The following SHANK2 variants were observed in gnomAD, a reference collection of about 807,000 sequenced individuals.
SHANK2 encodes the protein SH3 and multiple ankyrin repeat domains protein 2.
Under a neutral mutation model 133.7 loss-of-function variants are expected in SHANK2, and 43 were observed. The ratio of observed to expected loss-of-function variants is 0.32; its 90% confidence interval spans 0.25 to 0.41. The LOEUF (loss-of-function observed/expected upper bound fraction) is 0.41. Ranked by LOEUF, SHANK2 falls within the 10% of genes least tolerant of loss-of-function variation. The probability of loss-of-function intolerance (pLI) is 1.00; values close to 1 mark genes in which losing one functional copy is unlikely to be tolerated. For missense variants in SHANK2, 1,994 were observed against 2,235.8 expected, an observed-to-expected ratio of 0.89 and a Z score of 2.18; for synonymous variants, 1,017 against 952.8, an observed-to-expected ratio of 1.07 and a Z score of -1.24.
chr11:71,104,427 AG>A (rs782766631), intron 6 of SHANK2, among the ~76,000 whole-genome samples: 9 of 152,160 alleles, frequency 5.9e-5, no homozygotes, highest in Non-Finnish European at 1.2e-4. Context: ...GTGGCCAGGT[AG>A]TGTCTGCATT....
At chr11:71,172,823 G>A (rs1953345907) in intron 2 of SHANK2, among the ~76,000 whole-genome samples, 2 of 152,198 alleles carry the variant, frequency 1.3e-5, no homozygotes, top group South Asian at 4.1e-4. Flanking sequence ...GCAGGTGCAT[G>A]GTCTAGCCCA....
At position 70,530,888 on chromosome 11, in the gene SHANK2, G is replaced by C. The variant is rs539537509; in HGVS notation, c.2062-27957C>G. On this transcript the variant is annotated intron_variant, in intron 17 of 25. Coordinates refer to ENST00000601538, the MANE Select transcript of SHANK2 (RefSeq NM_012309.5). ...CTTAAAAATGGCTGAGATTTTGTCC[G>C]GGCTTGGTGGCTCATGCTTGTAATC... Among the ~76,000 whole-genome samples, 10 of 152,198 alleles carry C rather than the reference G, an allele frequency of 6.6e-5. No individual in the cohort carries two copies. In the South Asian group the frequency reaches 2.1e-3, roughly 32 times the overall value.
intron 14 of SHANK2, among the ~76,000 whole-genome samples, chr11:70,771,091 A>AT (rs1312018932): frequency 6.6e-6 from 1 of 151,520 alleles, no homozygotes; most frequent in East Asian, 1.9e-4. Flanking sequence ...CACCTGGCTA[A>AT]TTTTTTTGTA....
chr11:70,770,203 G>A (rs1947216829), intron 14 of SHANK2, among the ~76,000 whole-genome samples: 1 of 152,238 alleles, frequency 6.6e-6, no homozygotes, highest in African/African-American at 2.4e-5. Context: ...CCCACTTGAT[G>A]TGTGACTTGG....
intron 14 of SHANK2, among the ~76,000 whole-genome samples, chr11:70,795,174 G>T (rs1359419230): frequency 3.3e-5 from 5 of 152,032 alleles, no homozygotes; most frequent in Admixed American, 3.3e-4. Flanking sequence ...TTGTGTTAGA[G>T]GAGAGTTCTG....
chr11:71,108,054 C>T (rs1399232777), intron 6 of SHANK2, among the ~76,000 whole-genome samples: 2 of 152,202 alleles, frequency 1.3e-5, no homozygotes, highest in Non-Finnish European at 2.9e-5. Flanking sequence ...AGAGCCACGG[C>T]CAAAGGCTGC....
chr11:70,599,915 G>GAGAAAGAAAT lies in SHANK2; in HGVS notation c.2061+59912_2061+59913insATTTCTTTCT, dbSNP rs1565166413. On this transcript the variant is annotated intron_variant, in intron 17 of 25. Transcript: ENST00000601538. ...AAAGAAAGAAAGAAAGAGAAAGAAA[G>GAGAAAGAAAT]AAAGAAAGAAAGAAAGAAAGAAAGA... Among the ~76,000 whole-genome samples, 297 of 41,232 alleles carry GAGAAAGAAAT rather than the reference G, an allele frequency of 7.2e-3. 15 individuals are homozygous for GAGAAAGAAAT. The highest frequency in any genetic ancestry group is 0.014 in the South Asian group (11 of 768). 27.0% of individuals were successfully genotyped at this position (41,232 alleles called of 152,430 possible).
chr11:70,498,897 G>A (rs1236800977), intron 21 of SHANK2, among the ~76,000 whole-genome samples: 11 of 152,130 alleles, frequency 7.2e-5, no homozygotes, highest in African/African-American at 2.7e-4. Flanking sequence ...GGGCCCACCC[G>A]AGTCCAGCAT....
intron 25 of SHANK2, among the ~76,000 whole-genome samples, chr11:70,475,699 C>T (rs531844981): frequency 2.6e-5 from 4 of 152,314 alleles, no homozygotes; most frequent in African/African-American, 9.6e-5. Flanking sequence ...GGTGGGTGCA[C>T]TGCTGGGCCA....
intron 23 of SHANK2, chr11:70,489,951 A>G: frequency 2.7e-6 from 1 of 373,774 alleles, no homozygotes; most frequent in South Asian, 2.4e-5. Context: ...AGGGTGGGGG[A>G]GGGGGGTTGG....
At chr11:70,571,688 GA>G (rs368648625) in intron 17 of SHANK2, among the ~76,000 whole-genome samples, 2 of 152,164 alleles carry the variant, frequency 1.3e-5, no homozygotes, top group African/African-American at 2.4e-5. Context: ...AGCTCAGTTG[GA>G]GGCCCCTACA....
intron 17 of SHANK2, among the ~76,000 whole-genome samples, chr11:70,588,129 G>A (rs563946473): frequency 3.9e-5 from 6 of 152,072 alleles, no homozygotes; most frequent in South Asian, 4.1e-4. Flanking sequence ...CTGGTCCATC[G>A]TCTCTTCCCA....
In SHANK2 at chr11:71,175,916, C is replaced by T. The variant is rs1490849039; in HGVS notation, c.-12-28578G>A. ...GCCAAGGTAGCTCCAGTTTGTGGGA[C>T]AAAACCAGGAGGAGAGAGAATGGAA... On this transcript the variant is annotated intron_variant, in intron 2 of 25. Coordinates refer to ENST00000601538, the MANE Select transcript of SHANK2 (RefSeq NM_012309.5). This position sits in a 1 kb window ranked among gnomAD's most constrained non-coding sequence, Gnocchi z 4.2. Among the ~76,000 whole-genome samples the T allele has an allele frequency of 6.6e-6, 1 of 152,064 alleles. No homozygotes were observed. Among genetic ancestry groups the T allele is most frequent in the African/African-American group, 2.4e-5 (1 of 41,398 alleles).
intron 17 of SHANK2, among the ~76,000 whole-genome samples, chr11:70,518,670 T>A (rs2059295074): frequency 2.0e-5 from 3 of 152,230 alleles, no homozygotes. Flanking sequence ...AGGAGCCCTT[T>A]GCAGGCGGTG....
At position 70,879,598 on chromosome 11, in the gene SHANK2, C is replaced by T. The variant is rs1326317532; in HGVS notation, c.1174+16903G>A. 3.9e-5 allele frequency among the ~76,000 whole-genome samples: 6 copies of T among 152,228 alleles called. No homozygotes were observed. The South Asian group carries it at 6.2e-4, about 16-fold the overall frequency. ...AAACGCTTTTTCTTCAGCTCCAATA[C>T]CCAGGTGCTTTTGCATATTAACAAA... is the stretch of plus-strand genomic sequence containing the variant. On this transcript the variant is annotated intron_variant, in intron 11 of 25. Transcript: ENST00000601538.
At chr11:71,084,936 C>T (rs934415073) in intron 8 of SHANK2, among the ~76,000 whole-genome samples, 2 of 152,104 alleles carry the variant, frequency 1.3e-5, no homozygotes, top group African/African-American at 4.8e-5. Context: ...ACAATGAATG[C>T]CCCCAAATTG....
intron 10 of SHANK2, among the ~76,000 whole-genome samples, chr11:70,922,041 G>T (rs1555080778): frequency 6.6e-6 from 1 of 152,182 alleles, no homozygotes; most frequent in African/African-American, 2.4e-5. Context: ...AAGTAAAACT[G>T]AAGAAAGGAG....
At chr11:70,507,475 CCTT>C (rs782692492) in intron 17 of SHANK2, among the ~76,000 whole-genome samples, 1 of 152,212 alleles carries the variant, frequency 6.6e-6, no homozygotes, top group South Asian at 2.1e-4. Flanking sequence ...AACACATTGA[CCTT>C]CTGCCCAGAA....
intron 10 of SHANK2, among the ~76,000 whole-genome samples, chr11:70,952,346 T>A (rs1950856765): frequency 6.6e-6 from 1 of 152,186 alleles, no homozygotes; most frequent in South Asian, 2.1e-4. Context: ...TTCCATCTTG[T>A]TCATAGAAAT....
Sources: allele counts gnomAD v4.1 joint callset (sites outside exome capture counted in the v4.1 genomes callset), GRCh38; gene constraint gnomAD v4.1.1; non-coding constraint Gnocchi (gnomAD v3.1); transcripts MANE v1.5; gene names NCBI Gene and HGNC (gene_info 2026-07-23, HGNC 2026-07-21).